The following TSPAN16 variants were observed in gnomAD, a reference collection of about 807,000 sequenced individuals.
TSPAN16 encodes the protein tetraspanin-16.
Under a neutral mutation model 25.2 loss-of-function variants are expected in TSPAN16, and 23 were observed. The observed-to-expected ratio is 0.91, with a 90% CI of 0.66 to 1.29. The LOEUF is 1.29. TSPAN16 is among the 50% of genes most tolerant of loss of function. The probability of loss-of-function intolerance (pLI) is 0.00; values close to 1 mark genes in which losing one functional copy is unlikely to be tolerated. For missense variants in TSPAN16, 272 were observed against 299.9 expected (o/e 0.91, Z 0.69); for synonymous variants, 123 against 124.4 (o/e 0.99, Z 0.08).
intron 6 of TSPAN16, among the ~76,000 whole-genome samples, chr19:11,313,992 G>A (rs1599346517): frequency 6.6e-6 from 1 of 152,108 alleles, no homozygotes; most frequent in Non-Finnish European, 1.5e-5. Flanking sequence ...TAAAGAAAAT[G>A]CATATCCATT....
At chr19:11,306,783 TG>T (rs1325003720) in intron 5 of TSPAN16, 27 bp downstream of exon 5, 2 of 1,607,224 alleles carry the variant, frequency 1.2e-6, no homozygotes, top group East Asian at 4.5e-5. Flanking sequence ...TGTGTTGCCT[TG>T]ACAGACCCCT....
chr19:11,315,109 G>T (rs188693832), intron 6 of TSPAN16, among the ~76,000 whole-genome samples: 1 of 151,614 alleles, frequency 6.6e-6, no homozygotes, highest in Non-Finnish European at 1.5e-5. Context: ...GGTGCTGGGC[G>T]CCTGTAATTC....
intron 4 of TSPAN16, among the ~76,000 whole-genome samples, chr19:11,305,854 C>G (rs1269063453): frequency 1.3e-5 from 2 of 152,188 alleles, no homozygotes; most frequent in Non-Finnish European, 1.5e-5. Context: ...TCTTCCATTA[C>G]TGACATGTGA....
intron 5 of TSPAN16, 41 bp downstream of exon 5, chr19:11,306,797 G>A: frequency 6.4e-7 from 1 of 1,562,472 alleles, no homozygotes; most frequent in Non-Finnish European, 8.7e-7. Flanking sequence ...AGACCCCTGA[G>A]GGCTGGTGAC....
chr19:11,309,879 T>C (rs1453091225), intron 5 of TSPAN16, among the ~76,000 whole-genome samples: 1 of 152,050 alleles, frequency 6.6e-6, no homozygotes. Context: ...GGCAGGAGGA[T>C]CACTTGAGGA....
intron 6 of TSPAN16, among the ~76,000 whole-genome samples, chr19:11,313,659 A>T (rs1218139533): frequency 6.6e-6 from 1 of 151,210 alleles, no homozygotes; most frequent in East Asian, 1.9e-4. Flanking sequence ...ATGCTCTACC[A>T]CCCATCATTA....
chr19:11,325,494 G>A (rs562084116), intron 6 of TSPAN16: 66 of 1,613,496 alleles, frequency 4.1e-5, no homozygotes, highest in Non-Finnish European at 4.9e-5. Flanking sequence ...CCAGGGACTC[G>A]TTCATCTTCT....
At chr19:11,303,545 A>G (rs2080590778) in intron 4 of TSPAN16, among the ~76,000 whole-genome samples, 1 of 135,042 alleles carries the variant, frequency 7.4e-6, no homozygotes, top group Non-Finnish European at 1.6e-5. Context: ...ACACCCAAGA[A>G]TGATCAATAA....
chr19:11,319,584 C>A (rs1055725340), downstream of TSPAN16, among the ~76,000 whole-genome samples: 1 of 151,166 alleles, frequency 6.6e-6, no homozygotes, highest in Non-Finnish European at 1.5e-5. Context: ...GGCGACAGAG[C>A]GAGACTCTGT....
At chr19:11,309,032 G>A (rs1434357562) in intron 5 of TSPAN16, among the ~76,000 whole-genome samples, 1 of 152,034 alleles carries the variant, frequency 6.6e-6, no homozygotes, top group Non-Finnish European at 1.5e-5. Flanking sequence ...AACATAGCAA[G>A]ATGCCGTTTT....
At chr19:11,297,383 A>G (rs958998585) in intron 1 of TSPAN16, among the ~76,000 whole-genome samples, 2 of 152,206 alleles carry the variant, frequency 1.3e-5, no homozygotes, top group Non-Finnish European at 2.9e-5. Flanking sequence ...GGGCTACACC[A>G]ATAGAACTGC....
downstream of TSPAN16, among the ~76,000 whole-genome samples, chr19:11,316,875 T>A (rs1480836014): frequency 1.3e-5 from 2 of 149,142 alleles, no homozygotes; most frequent in African/African-American, 5.0e-5. Flanking sequence ...AGTGGTGTGA[T>A]CTCGGCTTAT....
chr19:11,322,508 G>C (rs1190586875), intron 6 of TSPAN16: 2 of 152,114 alleles, frequency 1.3e-5, no homozygotes, highest in Non-Finnish European at 1.5e-5. Flanking sequence ...AGCTGGAGAG[G>C]GGTTTTCCCA....
At chr19:11,303,247 G>A (rs1291021534) in intron 4 of TSPAN16, among the ~76,000 whole-genome samples, 3 of 142,392 alleles carry the variant, frequency 2.1e-5, no homozygotes, top group Admixed American at 7.0e-5. Flanking sequence ...CTGTTGATCT[G>A]TGACCTTACC....
chr19:11,326,371 AC>A (rs1313565454), intron 6 of TSPAN16, among the ~76,000 whole-genome samples: 1 of 152,108 alleles, frequency 6.6e-6, no homozygotes, highest in Non-Finnish European at 1.5e-5. Flanking sequence ...ATGGAGCAAG[AC>A]CCTGTCTCAA....
At position 11,303,569 on chromosome 19, in the gene TSPAN16, A is replaced by T. The variant is rs553562804; in HGVS notation, c.450+2261A>T. ...AATGATCAATAAAAAATAAATAAAT[A>T]AATAAATTAAAAAAAAAAAAAAAAA... is the stretch of plus-strand genomic sequence containing the variant. On this transcript the variant is annotated intron_variant, in intron 4 of 6. Transcript: ENST00000590327. Among the ~76,000 whole-genome samples, 83 of 122,028 alleles carry T rather than the reference A, an allele frequency of 6.8e-4. 1 individual carries two copies. The highest frequency in any genetic ancestry group is 4.0e-3 in the Middle Eastern group (1 of 252). The allele number at this position is 122,028 out of a possible 152,430, so 80.1% of individuals were successfully genotyped here.
At chr19:11,302,971 G>A (rs1347949332) in intron 4 of TSPAN16, among the ~76,000 whole-genome samples, 1 of 149,298 alleles carries the variant, frequency 6.7e-6, no homozygotes, top group Non-Finnish European at 1.5e-5. Flanking sequence ...CGCCCCGTCC[G>A]GGAGGTGAGG....
At chr19:11,320,619 G>A (rs1205257951), downstream of TSPAN16, among the ~76,000 whole-genome samples, 3 of 150,782 alleles carry the variant, frequency 2.0e-5, no homozygotes, top group African/African-American at 4.9e-5. Flanking sequence ...GCTGCAGTGA[G>A]CCATGATTGT....
chr19:11,321,635 C>T (rs917801239), intron 6 of TSPAN16, among the ~76,000 whole-genome samples: 1 of 152,050 alleles, frequency 6.6e-6, no homozygotes, highest in African/African-American at 2.4e-5. Context: ...CCAGAGTGGC[C>T]GGAGGGGAGC....
Sources: gnomAD v4.1 joint callset for allele counts (sites outside exome capture counted in the v4.1 genomes callset) on GRCh38, gnomAD v4.1.1 for gene constraint, MANE v1.5 for transcripts, NCBI Gene and HGNC (gene_info 2026-07-23, HGNC 2026-07-21) for gene names.